GNAT3: variants seen among roughly 807,000 people sequenced by gnomAD.
The protein encoded by GNAT3 is G protein subunit alpha transducin 3, also known as guanine nucleotide-binding protein G(t) subunit alpha-3.
GNAT3 carries 31 observed loss-of-function variants against 37.7 expected under a neutral mutation model. That is an observed-to-expected ratio of 0.82 (90% CI 0.62 to 1.11). The LOEUF is 1.11. Ranked by LOEUF, GNAT3 falls within the 50% of genes most tolerant of loss-of-function variation. The pLI is 0.00. For missense variants in GNAT3, 437 were observed against 412.5 expected (o/e 1.06, Z -0.51); for synonymous variants, 138 against 139.8 (o/e 0.99, Z 0.09).
At chr7:80,506,727 T>A (rs1301755633) in intron 1 of GNAT3, among the ~76,000 whole-genome samples, 1 of 152,146 alleles carries the variant, frequency 6.6e-6, no homozygotes, top group Non-Finnish European at 1.5e-5. Flanking sequence ...TCTAGAAACA[T>A]AAAATAAATA....
At chr7:80,492,322 C>A (rs547092588) in intron 2 of GNAT3, among the ~76,000 whole-genome samples, 32 of 151,608 alleles carry the variant, frequency 2.1e-4, no homozygotes, top group Non-Finnish European at 3.5e-4. Context: ...CCAGCCTAGG[C>A]GACAGAGCGA....
At chr7:80,497,718 T>G in intron 1 of GNAT3, among the ~76,000 whole-genome samples, 1 of 151,456 alleles carries the variant, frequency 6.6e-6, no homozygotes, top group East Asian at 1.9e-4. Flanking sequence ...GCAGTGGGGA[T>G]GTGGAAGAAA....
intron 5 of GNAT3, among the ~76,000 whole-genome samples, chr7:80,473,405 A>G (rs1348528808): frequency 6.6e-6 from 1 of 152,134 alleles, no homozygotes; most frequent in African/African-American, 2.4e-5. Context: ...TTGATTAATT[A>G]CCATTTTCTT....
chr7:80,466,291 C>T (rs1048183908), intron 5 of GNAT3, among the ~76,000 whole-genome samples: 3 of 152,060 alleles, frequency 2.0e-5, no homozygotes, highest in Admixed American at 6.6e-5. Context: ...TCTTGTCAAC[C>T]TTTGTAGTCT....
Position 80,479,003 on chromosome 7 carries a change from A to G in GNAT3, c.304-5T>C. Reference sequence around the variant, plus strand: ...ATAAAGTTGTCGTTGGTCCTCCTAGAACAATATTTTGGTGAGAATAAGTAT... The same window carrying G: ...ATAAAGTTGTCGTTGGTCCTCCTAGGACAATATTTTGGTGAGAATAAGTAT... On this transcript the variant is annotated splice_polypyrimidine_tract_variant and splice_region_variant and intron_variant, in intron 3 of 7. Transcript: ENST00000398291. 6.3e-7 allele frequency: 1 copy of G among 1,585,364 alleles called. No homozygotes were observed. The highest frequency in any genetic ancestry group is 1.4e-5 in the African/African-American group (1 of 73,952).
chr7:80,485,282 T>A (rs1345687511), intron 3 of GNAT3, among the ~76,000 whole-genome samples: 1 of 152,104 alleles, frequency 6.6e-6, no homozygotes, highest in Non-Finnish European at 1.5e-5. Context: ...ATGAATTATA[T>A]GCCATAGTAT....
At chr7:80,507,809 C>T (rs1236465298) in intron 1 of GNAT3, among the ~76,000 whole-genome samples, 1 of 151,916 alleles carries the variant, frequency 6.6e-6, no homozygotes, top group Non-Finnish European at 1.5e-5. Flanking sequence ...TCATAATTCT[C>T]CTACTACATA....
chr7:80,502,810 C>G (rs575191105), intron 1 of GNAT3, among the ~76,000 whole-genome samples: 3 of 152,128 alleles, frequency 2.0e-5, no homozygotes, highest in African/African-American at 7.2e-5. Flanking sequence ...ATAACATAAT[C>G]AACCATAACC....
rs192008741 is a variant in GNAT3 at position 80,495,128 on chromosome 7, A to G, written c.119-481T>C. Among the ~76,000 whole-genome samples the G allele has an allele frequency of 4.6e-5, 7 of 152,096 alleles. No individual in the cohort carries two copies. The East Asian group carries it at 7.8e-4, about 17-fold the overall frequency. ...ATATATATCAGATTTTCTCTGTCCAATTTTCCATTGATGGACACTTAGGTT... is the reference window on the plus strand; with the variant it reads ...ATATATATCAGATTTTCTCTGTCCAGTTTTCCATTGATGGACACTTAGGTT... On this transcript the variant is annotated intron_variant, in intron 1 of 7. Coordinates refer to ENST00000398291, the MANE Select transcript of GNAT3 (RefSeq NM_001102386.3).
rs1446987244 is a variant in GNAT3 at position 80,462,184 on chromosome 7, A to G, written c.849T>C (p.Leu283=). Residue 283 remains leucine (L), a synonymous_variant, in exon 7 of 8, where the codon CTT becomes CTC. Coordinates refer to ENST00000398291, the MANE Select transcript of GNAT3 (RefSeq NM_001102386.3). ...IFQEKVTKVH[L]SICFPEYTGP... ...CAGTGTATTCTGGAAAGCAGATACT[A>G]AGATGCACCTTGGTTACCTTTTCTT... 1 of 1,579,626 alleles carries G rather than the reference A, an allele frequency of 6.3e-7. No homozygotes were observed. The highest frequency in any genetic ancestry group is 1.8e-5 in the Admixed American group (1 of 54,098).
chr7:80,510,239 T>C (rs1017154753), intron 1 of GNAT3, among the ~76,000 whole-genome samples: 13 of 152,134 alleles, frequency 8.5e-5, no homozygotes, highest in African/African-American at 3.1e-4. Flanking sequence ...ATCTCAAGAG[T>C]CATTGCTTTT....
intron 5 of GNAT3, among the ~76,000 whole-genome samples, chr7:80,468,299 A>C (rs925142823): frequency 1.3e-5 from 2 of 152,030 alleles, no homozygotes; most frequent in Admixed American, 1.3e-4. Flanking sequence ...AGATTATTAT[A>C]ATATAATCTG....
intron 5 of GNAT3, 102 bp from the exon 6 acceptor site, chr7:80,462,733 A>G: frequency 1.3e-6 from 1 of 766,424 alleles, no homozygotes; most frequent in Non-Finnish European, 2.0e-6. Flanking sequence ...CCCTATCTTC[A>G]AAAGGTATTC....
intron 2 of GNAT3, among the ~76,000 whole-genome samples, chr7:80,491,661 A>G (rs1790593413): frequency 6.6e-6 from 1 of 152,176 alleles, no homozygotes; most frequent in Non-Finnish European, 1.5e-5. Context: ...GAATTAACAT[A>G]AGGACTTAAG....
intron 2 of GNAT3, among the ~76,000 whole-genome samples, chr7:80,489,062 A>G (rs1300968536): frequency 6.6e-6 from 1 of 152,152 alleles, no homozygotes; most frequent in Non-Finnish European, 1.5e-5. Context: ...TGATGTCTAG[A>G]GGAAGCGAAG....
At chr7:80,460,936 T>G (rs922752470) in intron 7 of GNAT3, among the ~76,000 whole-genome samples, 1 of 151,974 alleles carries the variant, frequency 6.6e-6, no homozygotes, top group South Asian at 2.1e-4. Context: ...ACATTTCATT[T>G]CTCTGTACAC....
At chr7:80,482,990 G>T (rs1790416935) in intron 3 of GNAT3, among the ~76,000 whole-genome samples, 1 of 151,976 alleles carries the variant, frequency 6.6e-6, no homozygotes, top group South Asian at 2.1e-4. Context: ...TATCAGGTTG[G>T]TTTTTGTGTC....
intron 1 of GNAT3, among the ~76,000 whole-genome samples, chr7:80,500,900 C>A (rs1437414058): frequency 6.6e-6 from 1 of 151,834 alleles, no homozygotes; most frequent in South Asian, 2.1e-4. Context: ...TCCCCCCAAC[C>A]TTTTCTCTTT....
At chr7:80,509,266 T>C (rs1791010624) in intron 1 of GNAT3, among the ~76,000 whole-genome samples, 1 of 152,096 alleles carries the variant, frequency 6.6e-6, no homozygotes, top group Admixed American at 6.5e-5. Context: ...GTTATGAATT[T>C]GATAATTGTA....
Sources: gnomAD v4.1 joint callset for allele counts (sites outside exome capture counted in the v4.1 genomes callset) on GRCh38, gnomAD v4.1.1 for gene constraint, MANE v1.5 for transcripts, NCBI Gene and HGNC (gene_info 2026-07-23, HGNC 2026-07-21) for gene names.